The following NXPE2 variants were observed in gnomAD, a reference collection of about 807,000 sequenced individuals.
NXPE2 encodes the protein neurexophilin and PC-esterase domain family member 2.
In NXPE2, 34 loss-of-function variants were observed where a neutral mutation model predicts 34.4. The ratio of observed to expected loss-of-function variants is 0.99; its 90% CI spans 0.75 to 1.31. NXPE2 has a LOEUF of 1.31. NXPE2 is among the 40% of genes most tolerant of loss of function. NXPE2 has a pLI of 0.00. For missense variants in NXPE2, 649 were observed against 672.5 expected (o/e 0.97, Z 0.39); for synonymous variants, 235 against 231.3 (o/e 1.02, Z -0.15).
chr11:114,592,374 C>T, the NXPE2 span, among the ~76,000 whole-genome samples: 1 of 151,990 alleles, frequency 6.6e-6, no homozygotes, highest in African/African-American at 2.4e-5. Context: ...TTTCTATACA[C>T]CAATACCAAA....
At chr11:114,493,740 A>G in the NXPE2 span, among the ~76,000 whole-genome samples, 1 of 152,090 alleles carries the variant, frequency 6.6e-6, no homozygotes, top group South Asian at 2.1e-4. Flanking sequence ...GATATAGTTT[A>G]TACACTACAA....
the NXPE2 span, among the ~76,000 whole-genome samples, chr11:114,722,507 T>C: frequency 6.6e-6 from 1 of 152,156 alleles, no homozygotes. Context: ...TTAATTTCCT[T>C]ATATAGTTTA....
the NXPE2 span, among the ~76,000 whole-genome samples, chr11:114,614,307 T>C: frequency 2.0e-5 from 3 of 151,470 alleles, no homozygotes; most frequent in Non-Finnish European, 4.4e-5. Flanking sequence ...TAGTAAGTAT[T>C]GCCTCGTAGG....
chr11:114,703,745 T>G (rs954229149), intron 3 of NXPE2, among the ~76,000 whole-genome samples: 2 of 152,068 alleles, frequency 1.3e-5, no homozygotes, highest in Non-Finnish European at 2.9e-5. Context: ...AGATAGATGT[T>G]AGATAGATTT....
chr11:114,758,956 C>A, the NXPE2 span, among the ~76,000 whole-genome samples: 1 of 151,768 alleles, frequency 6.6e-6, no homozygotes, highest in East Asian at 1.9e-4. Flanking sequence ...AAGGCTCTTT[C>A]TACCCCCAAT....
chr11:114,638,877 G>T, the NXPE2 span, among the ~76,000 whole-genome samples: 2 of 151,634 alleles, frequency 1.3e-5, no homozygotes, highest in East Asian at 1.9e-4. Flanking sequence ...TGCCCCTACT[G>T]GGGGGTGCCT....
the NXPE2 span, among the ~76,000 whole-genome samples, chr11:114,718,915 C>T: frequency 6.6e-6 from 1 of 152,150 alleles, no homozygotes; most frequent in Non-Finnish European, 1.5e-5. Flanking sequence ...GGGGCTCGCT[C>T]TGCTCTCTCC....
chr11:114,516,257 C>G, the NXPE2 span, among the ~76,000 whole-genome samples: 2 of 152,130 alleles, frequency 1.3e-5, no homozygotes, highest in Non-Finnish European at 2.9e-5. Context: ...TGGACCAGAT[C>G]TGTCTTATAC....
chr11:114,735,973 C>G, the NXPE2 span, among the ~76,000 whole-genome samples: 1 of 152,090 alleles, frequency 6.6e-6, no homozygotes, highest in African/African-American at 2.4e-5. Flanking sequence ...AGCTGGGTGT[C>G]CGGGGGAGAC....
chr11:114,637,292 A>AT, the NXPE2 span, among the ~76,000 whole-genome samples: 3 of 151,160 alleles, frequency 2.0e-5, 1 homozygote, highest in South Asian at 4.2e-4. Context: ...CAATCCCTGC[A>AT]TTTTTTTGTT....
At chr11:114,583,665 G>C in the NXPE2 span, 2 of 586,058 alleles carry the variant, frequency 3.4e-6, no homozygotes, top group Admixed American at 3.7e-5. Flanking sequence ...TGGGCTGGAG[G>C]CCTGCACCAT....
chr11:114,544,106 A>T, the NXPE2 span, among the ~76,000 whole-genome samples: 2 of 152,208 alleles, frequency 1.3e-5, no homozygotes, highest in Non-Finnish European at 2.9e-5. Context: ...ATGGAGAGAG[A>T]TTCCATGTTC....
the NXPE2 span, among the ~76,000 whole-genome samples, chr11:114,784,849 C>G: frequency 6.6e-6 from 1 of 152,116 alleles, no homozygotes; most frequent in South Asian, 2.1e-4. Context: ...GGAGGCAGAG[C>G]CAATTTGAAG....
chr11:114,575,073 T>C, the NXPE2 span, among the ~76,000 whole-genome samples: 3 of 151,818 alleles, frequency 2.0e-5, no homozygotes, highest in African/African-American at 7.2e-5. Context: ...ACCATATAAA[T>C]AGAATTAAAA....
At chr11:114,523,205 CT>C in the NXPE2 span, 1 of 706,512 alleles carries the variant, frequency 1.4e-6, no homozygotes, top group Non-Finnish European at 2.4e-6. Context: ...TGCCTATTTC[CT>C]TTTTCTGTCC....
the NXPE2 span, among the ~76,000 whole-genome samples, chr11:114,604,990 G>T: frequency 4.6e-5 from 7 of 151,914 alleles, no homozygotes; most frequent in Non-Finnish European, 1.0e-4. Context: ...TTACCCAGTG[G>T]ATAATAAGCA....
chr11:114,711,381 A>G (rs1056401271), downstream of NXPE2, among the ~76,000 whole-genome samples: 1 of 152,158 alleles, frequency 6.6e-6, no homozygotes, highest in Non-Finnish European at 1.5e-5. Context: ...AATCTTAAAG[A>G]TTCTGCACAG....
chr11:114,800,507 T>G, the NXPE2 span, among the ~76,000 whole-genome samples: 21 of 152,342 alleles, frequency 1.4e-4, no homozygotes, highest in East Asian at 4.0e-3. Flanking sequence ...TCGTATTTTA[T>G]GCTGTTGTTG....
At chr11:114,634,868 C>T in the NXPE2 span, among the ~76,000 whole-genome samples, 5 of 151,886 alleles carry the variant, frequency 3.3e-5, no homozygotes, top group Non-Finnish European at 7.4e-5. Flanking sequence ...TTACTGTAGC[C>T]GTGTAGTATA....
Sources: gnomAD v4.1 joint callset for allele counts (sites outside exome capture counted in the v4.1 genomes callset) on GRCh38, gnomAD v4.1.1 for gene constraint, MANE v1.5 for transcripts, NCBI Gene and HGNC (gene_info 2026-07-23, HGNC 2026-07-21) for gene names.